The following TTC28 variants were observed in gnomAD, a reference collection of about 807,000 sequenced individuals.
TTC28 encodes the protein tetratricopeptide repeat protein 28.
In TTC28, 61 loss-of-function variants were observed where a neutral mutation model predicts 198.0. The observed-to-expected ratio is 0.31, with a 90% CI of 0.25 to 0.38. The LOEUF is 0.38. Ranked by LOEUF, TTC28 falls within the 10% of genes least tolerant of loss-of-function variation. The pLI, the probability that TTC28 is intolerant of heterozygous loss-of-function variation, is 1.00. For missense variants in TTC28, 2,678 were observed against 3,164.0 expected, an observed-to-expected ratio of 0.85 and a Z score of 3.69; for synonymous variants, 1,171 against 1,297.8, an observed-to-expected ratio of 0.90 and a Z score of 2.10.
chr22:28,037,380 C>CGTTAA (rs1939406588), intron 12 of TTC28, among the ~76,000 whole-genome samples: 1 of 152,112 alleles, frequency 6.6e-6, no homozygotes, highest in Non-Finnish European at 1.5e-5. Flanking sequence ...AATCAATAAA[C>CGTTAA]GTAATCCAGC....
intron 2 of TTC28, among the ~76,000 whole-genome samples, chr22:28,417,288 C>A (rs1430461206): frequency 2.3e-5 from 3 of 133,158 alleles, no homozygotes; most frequent in Admixed American, 1.6e-4. Context: ...CATAGCAAGA[C>A]CCTGTCTCTA....
intron 2 of TTC28, among the ~76,000 whole-genome samples, chr22:28,375,778 C>T (rs1408888095): frequency 2.6e-5 from 4 of 152,114 alleles, no homozygotes; most frequent in African/African-American, 9.7e-5. Flanking sequence ...GTGAACCATA[C>T]AAATGGCTGC....
chr22:28,563,195 CA>C (rs1378901314), intron 2 of TTC28, among the ~76,000 whole-genome samples: 1 of 152,084 alleles, frequency 6.6e-6, no homozygotes, highest in Admixed American at 6.5e-5. Context: ...TTTAAACTAA[CA>C]TTTTTTTAAA....
chr22:28,617,025 G>T (rs1401927121), intron 2 of TTC28, among the ~76,000 whole-genome samples: 1 of 151,846 alleles, frequency 6.6e-6, no homozygotes, highest in African/African-American at 2.4e-5. Context: ...CATTCCTTTG[G>T]GTTCTTTTCC....
chr22:28,327,007 C>T (rs1158490560), intron 2 of TTC28, among the ~76,000 whole-genome samples: 3 of 151,100 alleles, frequency 2.0e-5, no homozygotes, highest in Admixed American at 2.0e-4. Flanking sequence ...CACACACACA[C>T]ACACACACAG....
intron 2 of TTC28, among the ~76,000 whole-genome samples, chr22:28,489,944 G>C (rs767557643): frequency 6.6e-6 from 1 of 152,178 alleles, no homozygotes; most frequent in Non-Finnish European, 1.5e-5. Flanking sequence ...TAAGGAGCCA[G>C]AGAGCCAGTC....
At chr22:28,561,157 T>C (rs1044141959) in intron 2 of TTC28, among the ~76,000 whole-genome samples, 53 of 145,160 alleles carry the variant, frequency 3.7e-4, no homozygotes, top group African/African-American at 1.4e-3. Context: ...CACTGCAAGC[T>C]CCGCCTCCCG....
At chr22:28,136,704 T>C (rs937192321) in intron 6 of TTC28, among the ~76,000 whole-genome samples, 2 of 152,162 alleles carry the variant, frequency 1.3e-5, no homozygotes, top group Non-Finnish European at 2.9e-5. Flanking sequence ...CAAAGAGTGC[T>C]CCAGTCTCAA....
At chr22:28,512,055 G>A (rs746614847) in intron 2 of TTC28, among the ~76,000 whole-genome samples, 4 of 151,352 alleles carry the variant, frequency 2.6e-5, no homozygotes, top group African/African-American at 7.3e-5. Flanking sequence ...TCCATCTGAC[G>A]AAGGTCTAAT....
At chr22:28,564,705 A>G (rs2049943802) in intron 2 of TTC28, among the ~76,000 whole-genome samples, 1 of 151,600 alleles carries the variant, frequency 6.6e-6, no homozygotes. Flanking sequence ...ATATTAGAAT[A>G]CTTCAAGGAA....
At chr22:28,476,258 CTTGT>C (rs776032568) in intron 2 of TTC28, among the ~76,000 whole-genome samples, 1 of 152,078 alleles carries the variant, frequency 6.6e-6, no homozygotes, top group Non-Finnish European at 1.5e-5. Flanking sequence ...TTTAGTTTTG[CTTGT>C]TTATTAACTT....
chr22:28,576,837 T>G (rs1383064127), intron 2 of TTC28, among the ~76,000 whole-genome samples: 1 of 152,102 alleles, frequency 6.6e-6, no homozygotes, highest in Non-Finnish European at 1.5e-5. Context: ...GTCTCCTTTT[T>G]CATCTCTGAT....
At chr22:28,483,999 T>C (rs993730611) in intron 2 of TTC28, among the ~76,000 whole-genome samples, 10 of 152,246 alleles carry the variant, frequency 6.6e-5, no homozygotes, top group African/African-American at 1.9e-4. Flanking sequence ...ATAATTCGAC[T>C]CCGTAAAGAT....
At chr22:28,359,921 C>A (rs1216951830) in intron 2 of TTC28, among the ~76,000 whole-genome samples, 2 of 152,088 alleles carry the variant, frequency 1.3e-5, no homozygotes, top group African/African-American at 4.8e-5. Context: ...TATAAAAATA[C>A]CATACACTTT....
intron 12 of TTC28, among the ~76,000 whole-genome samples, chr22:28,041,571 C>G (rs566173333): frequency 6.6e-6 from 1 of 152,276 alleles, no homozygotes; most frequent in South Asian, 2.1e-4. Context: ...ACACCGTATA[C>G]AAAAATTAAC....
intron 13 of TTC28, among the ~76,000 whole-genome samples, chr22:28,020,559 C>G (rs3747141): frequency 0.52 from 78,328 of 151,920 alleles, 20,974 homozygotes; most frequent in African/African-American, 0.64. Flanking sequence ...CCTCGCTGCT[C>G]ATGAATCTTC....
chr22:28,066,935 G>A (rs1940778456), intron 12 of TTC28, among the ~76,000 whole-genome samples: 1 of 152,084 alleles, frequency 6.6e-6, no homozygotes, highest in Admixed American at 6.6e-5. Context: ...GTTTGGCAGG[G>A]CAAAAACCCA....
chr22:28,271,561 C>A (rs552725249), intron 5 of TTC28, among the ~76,000 whole-genome samples: 12 of 152,152 alleles, frequency 7.9e-5, no homozygotes, highest in African/African-American at 2.6e-4. Flanking sequence ...TTCATGGGGG[C>A]GGTTTTCCCC....
intron 2 of TTC28, among the ~76,000 whole-genome samples, chr22:28,625,855 A>C (rs1010654026): frequency 6.6e-6 from 1 of 152,206 alleles, no homozygotes; most frequent in Non-Finnish European, 1.5e-5. Flanking sequence ...CACAGAAATC[A>C]GTGAAATAGA....
Sources: allele counts gnomAD v4.1 joint callset (sites outside exome capture counted in the v4.1 genomes callset), GRCh38; gene constraint gnomAD v4.1.1; transcripts MANE v1.5; gene names NCBI Gene and HGNC (gene_info 2026-07-23, HGNC 2026-07-21).